ZNF536: variants seen among roughly 807,000 people sequenced by gnomAD.
ZNF536 encodes the protein zinc finger protein 536.
A neutral mutation model predicts 84.5 loss-of-function variants in ZNF536; 13 were observed. That is an observed-to-expected ratio of 0.15 (90% confidence interval 0.10 to 0.24). The LOEUF (loss-of-function observed/expected upper bound fraction) is 0.24, where lower values mean the gene tolerates loss of function less well. ZNF536 is among the 10% of genes least tolerant of loss of function. The pLI, the probability that ZNF536 is intolerant of heterozygous loss-of-function variation, is 1.00. For synonymous variants in ZNF536, 811 were observed against 742.5 expected, an observed-to-expected ratio of 1.09 and a Z score of -1.50; for missense variants, 1,536 against 1,747.5, an observed-to-expected ratio of 0.88 and a Z score of 2.16.
chr19:30,338,748 G>A (rs2047468903), intron 2 of ZNF536, among the ~76,000 whole-genome samples: 1 of 152,152 alleles, frequency 6.6e-6, no homozygotes, highest in South Asian at 2.1e-4. Flanking sequence ...AGGAGGGGCT[G>A]GCATATGGTA....
intron 1 of ZNF536, among the ~76,000 whole-genome samples, chr19:30,565,311 C>A (rs1253558251): frequency 6.6e-6 from 1 of 152,018 alleles, no homozygotes; most frequent in South Asian, 2.1e-4. Context: ...ATCTACTTAC[C>A]CGGGGAGAGA....
At chr19:30,252,250 A>C (rs1235260012) in intron 1 of ZNF536, among the ~76,000 whole-genome samples, 1 of 152,172 alleles carries the variant, frequency 6.6e-6, no homozygotes. Context: ...ATGCAATACC[A>C]CCCTACTCCT....
chr19:30,234,724 T>TAGGC (rs2023341809), intron 1 of ZNF536, among the ~76,000 whole-genome samples: 2 of 150,406 alleles, frequency 1.3e-5, no homozygotes, highest in Admixed American at 1.3e-4. Flanking sequence ...TTTAGGCTTT[T>TAGGC]TGTTGCTTTA....
upstream of ZNF536, among the ~76,000 whole-genome samples, chr19:30,368,948 G>GA (rs2048525184): frequency 1.3e-5 from 2 of 152,188 alleles, no homozygotes; most frequent in African/African-American, 4.8e-5. Context: ...CTTTATACCA[G>GA]CTTGTCTGTA....
intron 3 of ZNF536, among the ~76,000 whole-genome samples, chr19:30,546,132 A>T (rs895330563): frequency 6.6e-6 from 1 of 152,170 alleles, no homozygotes; most frequent in African/African-American, 2.4e-5. Context: ...CAGCCATGAC[A>T]TCCTGCTGCC....
intron 1 of ZNF536, among the ~76,000 whole-genome samples, chr19:30,704,342 G>C (rs2052126544): frequency 6.6e-6 from 1 of 152,090 alleles, no homozygotes; most frequent in Admixed American, 6.5e-5. Flanking sequence ...CTGGTCTTTT[G>C]TTTCATTAAA....
At chr19:30,297,237 C>G in intron 2 of ZNF536, among the ~76,000 whole-genome samples, 1 of 152,094 alleles carries the variant, frequency 6.6e-6, no homozygotes, top group African/African-American at 2.4e-5. Flanking sequence ...TGATCAGTAC[C>G]AGGCACCTTT....
chr19:30,485,149 C>A (rs201574785), intron 2 of ZNF536, among the ~76,000 whole-genome samples: 1 of 146,270 alleles, frequency 6.8e-6, no homozygotes, highest in African/African-American at 2.7e-5. Flanking sequence ...GTCTCAAAAA[C>A]ATAAATAAAT....
At chr19:30,659,952 G>GGTGTGTGTGT (rs5827727) in intron 1 of ZNF536, among the ~76,000 whole-genome samples, 7 of 101,294 alleles carry the variant, frequency 6.9e-5, no homozygotes, top group African/African-American at 3.3e-4. Context: ...TTGACACAAG[G>GGTGTGTGTGT]GTGTGTGTGT....
chr19:30,325,010 T>A (rs1456966365), intron 2 of ZNF536, among the ~76,000 whole-genome samples: 1 of 152,128 alleles, frequency 6.6e-6, no homozygotes, highest in Non-Finnish European at 1.5e-5. Flanking sequence ...ACAATGGGTG[T>A]GAGTGCTCTT....
chr19:30,629,677 C>G (rs770820835), intron 1 of ZNF536, among the ~76,000 whole-genome samples: 5 of 152,240 alleles, frequency 3.3e-5, no homozygotes, highest in Admixed American at 6.5e-5. Context: ...GTGCTATGAC[C>G]TGTCCCTCAG....
chr19:30,305,238 G>A (rs897964271), intron 2 of ZNF536, among the ~76,000 whole-genome samples: 1 of 152,174 alleles, frequency 6.6e-6, no homozygotes, highest in Admixed American at 6.5e-5. Context: ...GGGATCACCT[G>A]CCAGGAGTGA....
intron 1 of ZNF536, among the ~76,000 whole-genome samples, chr19:30,660,582 A>G (rs2050088837): frequency 6.6e-6 from 1 of 152,262 alleles, no homozygotes; most frequent in Non-Finnish European, 1.5e-5. Flanking sequence ...GTTATATTTC[A>G]TGATTTCCCA....
intron 1 of ZNF536, among the ~76,000 whole-genome samples, chr19:30,385,402 G>T (rs866647932): frequency 6.6e-6 from 1 of 152,152 alleles, no homozygotes; most frequent in Non-Finnish European, 1.5e-5. Context: ...GGGGACAGCT[G>T]CCTGACGGGT....
chr19:30,669,448 C>T (rs1022470328), intron 1 of ZNF536, among the ~76,000 whole-genome samples: 35 of 152,196 alleles, frequency 2.3e-4, no homozygotes, highest in Non-Finnish European at 1.8e-4. Context: ...GACTCAGCCT[C>T]GGTGTCCAGC....
chr19:30,696,446 A>C lies in ZNF536; in HGVS notation c.170-14311A>C, dbSNP rs1026088650. On this transcript the variant is annotated intron_variant, in intron 1 of 1. Transcript: ENST00000592773. ...CGAAAAATCTTCAAAAACGGAATGT[A>C]AGTTCATTGACCCTTTGAAGGTTAT... 4.6e-5 allele frequency among the ~76,000 whole-genome samples: 7 copies of C among 152,380 alleles called. No homozygotes were observed. The East Asian group carries it at 9.6e-4, about 21-fold the overall frequency.
At chr19:30,609,899 C>CATCCATCCATCCACCCATTT (rs2048036847) in intron 1 of ZNF536, among the ~76,000 whole-genome samples, 1 of 21,450 alleles carries the variant, frequency 4.7e-5, no homozygotes, top group African/African-American at 1.6e-4. Flanking sequence ...CCCATTTATC[C>CATCCATCCATCCACCCATTT]ATCCATCCAT....
chr19:30,297,470 G>T (rs1428132802), intron 2 of ZNF536, among the ~76,000 whole-genome samples: 1 of 152,108 alleles, frequency 6.6e-6, no homozygotes, highest in African/African-American at 2.4e-5. Flanking sequence ...AATTCAGAGG[G>T]CTGGCATGTT....
chr19:30,474,302 A>G (rs2053757898), intron 2 of ZNF536, among the ~76,000 whole-genome samples: 1 of 151,808 alleles, frequency 6.6e-6, no homozygotes, highest in African/African-American at 2.4e-5. Flanking sequence ...CTAGAGGCTC[A>G]TAAACCCTCT....
Sources: gnomAD v4.1 joint callset for allele counts (sites outside exome capture counted in the v4.1 genomes callset) on GRCh38, gnomAD v4.1.1 for gene constraint, MANE v1.5 for transcripts, NCBI Gene and HGNC (gene_info 2026-07-23, HGNC 2026-07-21) for gene names.